Variants in FOCAD observed in about 807,000 individuals in gnomAD.
FOCAD encodes focadhesin, also known as KIAA1797.
FOCAD carries 198 observed loss-of-function variants against 225.6 expected under a neutral mutation model. That is an observed-to-expected ratio of 0.88 (90% CI 0.78 to 0.99). The LOEUF (loss-of-function observed/expected upper bound fraction) is 0.99. Among genes scored for constraint, FOCAD ranks in the 50% least tolerant of loss-of-function variants. The pLI is 0.00. For missense variants in FOCAD, 2,713 were observed against 2,123.6 expected (o/e 1.28, Z -5.46); for synonymous variants, 897 against 755.0 (o/e 1.19, Z -3.08).
At chr9:20,990,491 AC>A in intron 42 of FOCAD, 117 bp downstream of exon 42, 1 of 1,260,068 alleles carries the variant, frequency 7.9e-7, no homozygotes, top group Non-Finnish European at 1.1e-6. Flanking sequence ...AGACTTTCCT[AC>A]CCAGCCCCAT....
Position 20,717,785 on chromosome 9 carries a change from C to A in FOCAD, c.58-9C>A, listed in dbSNP as rs1036945208. On this transcript the variant is annotated splice_polypyrimidine_tract_variant and intron_variant, in intron 2 of 43. Transcript: ENST00000338382. The stretch of plus-strand genomic sequence containing the variant: ...GGGACTGTGTTCATTAATTTTATTT[C>A]TTTTTAAGGCTGTGGGTCATCTTAT... The A allele has an allele frequency of 6.2e-7, 1 of 1,606,764 alleles. No homozygotes were observed. The highest frequency in any genetic ancestry group is 1.1e-5 in the South Asian group (1 of 90,706).
intron 10 of FOCAD, among the ~76,000 whole-genome samples, chr9:20,783,818 G>A (rs1421817218): frequency 1.3e-5 from 2 of 152,058 alleles, no homozygotes; most frequent in East Asian, 3.9e-4. Flanking sequence ...AGAATGTGGG[G>A]GATAAAAGAG....
At chr9:20,809,135 C>G (rs116790917) in intron 11 of FOCAD, among the ~76,000 whole-genome samples, 2,105 of 152,218 alleles carry the variant, frequency 0.014, 48 homozygotes, top group African/African-American at 0.046. Context: ...TGCCGGTGTT[C>G]ACAGCATATC....
intron 35 of FOCAD, among the ~76,000 whole-genome samples, chr9:20,967,360 T>C (rs1839356861): frequency 6.6e-6 from 1 of 152,164 alleles, no homozygotes; most frequent in South Asian, 2.1e-4. Context: ...TTTTGTGTGT[T>C]GGTCTTATAT....
At chr9:20,715,296 C>G in intron 1 of FOCAD, 26 bp from the exon 2 acceptor site, 1 of 1,183,042 alleles carries the variant, frequency 8.5e-7, no homozygotes, top group Non-Finnish European at 1.2e-6. Context: ...GGAAGACTAA[C>G]AAATATTCTT....
rs139364202 is a variant in FOCAD at position 20,666,051 on chromosome 9, C to T, written c.-78+7225C>T. Among the ~76,000 whole-genome samples, 120 of 152,192 alleles carry T rather than the reference C, an allele frequency of 7.9e-4. 3 individuals carry two copies. In the South Asian group the frequency reaches 0.022, roughly 28 times the overall value. On this transcript the variant is annotated intron_variant, in intron 2 of 45. Coordinates refer to the FOCAD transcript ENST00000380249. ...CTGGGATAACAGGCACCCGCCACCA[C>T]GCCCAGCTAATTTTTGTATCTCTAT...
At chr9:20,769,915 CT>C (rs1818016688) in intron 7 of FOCAD, 116 bp from the exon 8 acceptor site, 2 of 866,116 alleles carry the variant, frequency 2.3e-6, no homozygotes, top group Non-Finnish European at 3.5e-6. Context: ...TTTTCATCTC[CT>C]TTAAGTCTTT....
chr9:20,769,901 CT>C, intron 7 of FOCAD, 130 bp from the exon 8 acceptor site: 2 of 774,424 alleles, frequency 2.6e-6, no homozygotes, highest in South Asian at 1.9e-5. Context: ...AGTTCTGTAA[CT>C]TTTTTTCATC....
At chr9:20,894,200 C>G (rs1019049761) in intron 21 of FOCAD, among the ~76,000 whole-genome samples, 1 of 152,060 alleles carries the variant, frequency 6.6e-6, no homozygotes, top group Non-Finnish European at 1.5e-5. Flanking sequence ...ATTTTCGTTG[C>G]TTGACAGCTG....
At position 20,988,540 on chromosome 9, in the gene FOCAD, T is replaced by C; in HGVS notation, c.5004+111T>C. On this transcript the variant is annotated intron_variant, in intron 41 of 43. Transcript: ENST00000338382. ...TAATTGGCAAAAACTGCAATTACTT[T>C]TGCACCAACCTAAAATATATGCTCC... The C allele has an allele frequency of 1.2e-5, 3 of 250,680 alleles. 1 individual carries two copies. The highest frequency in any genetic ancestry group is 1.7e-4 in the East Asian group (2 of 11,998). 15.5% of individuals were successfully genotyped at this position (250,680 alleles called of 1,614,324 possible). A position where few individuals can be genotyped will look rare whatever the true frequency, so the allele number is the denominator to read the frequency against.
chr9:20,675,059 G>A (rs1419129558), intron 2 of FOCAD, among the ~76,000 whole-genome samples: 3 of 152,184 alleles, frequency 2.0e-5, no homozygotes, highest in Non-Finnish European at 1.5e-5. Context: ...CTTCTTCCTT[G>A]TAAGACCCTC....
intron 2 of FOCAD, among the ~76,000 whole-genome samples, chr9:20,665,768 C>T (rs953305667): frequency 2.6e-5 from 4 of 152,082 alleles, no homozygotes; most frequent in South Asian, 2.1e-4. Flanking sequence ...CGGTGGCTCA[C>T]GCCTGTAAGC....
upstream of FOCAD, among the ~76,000 whole-genome samples, chr9:20,682,047 G>C (rs1043315495): frequency 3.9e-5 from 6 of 152,176 alleles, no homozygotes; most frequent in African/African-American, 1.4e-4. Context: ...GAGGACTCCT[G>C]TCGTGCCCTT....
chr9:20,711,710 A>G (rs570548612), intron 1 of FOCAD, among the ~76,000 whole-genome samples: 1 of 152,336 alleles, frequency 6.6e-6, no homozygotes, highest in Admixed American at 6.5e-5. Flanking sequence ...TTTGAAAGGA[A>G]ATATGTGTTT....
intron 20 of FOCAD, among the ~76,000 whole-genome samples, chr9:20,882,555 A>G (rs542231585): frequency 1.1e-3 from 164 of 152,352 alleles, no homozygotes; most frequent in African/African-American, 3.8e-3. Context: ...TGCAAGAGGT[A>G]AAAGCCCAAG....
rs1222151353 is a variant in FOCAD at position 20,885,101 on chromosome 9, T to G, written c.2504-8T>G. The G allele has an allele frequency of 2.1e-6, 3 of 1,408,650 alleles. No individual in the cohort carries two copies. Among genetic ancestry groups the G allele is most frequent in the Non-Finnish European group, 2.8e-6 (3 of 1,069,152 alleles). 87.3% of individuals were successfully genotyped at this position (1,408,650 alleles called of 1,614,324 possible). ...AATAAAATAAAGTCTATATAATTTTTTTTAAAGGTGGTATGTTATTTTGCT... is the reference window on the plus strand; with the variant it reads ...AATAAAATAAAGTCTATATAATTTTGTTTAAAGGTGGTATGTTATTTTGCT... On this transcript the variant is annotated splice_region_variant and splice_polypyrimidine_tract_variant and intron_variant, in intron 20 of 43. Coordinates refer to ENST00000338382, the MANE Select transcript of FOCAD (RefSeq NM_001375567.1).
chr9:20,992,097 G>A (rs988757795), intron 42 of FOCAD, among the ~76,000 whole-genome samples: 1 of 152,116 alleles, frequency 6.6e-6, no homozygotes, highest in Non-Finnish European at 1.5e-5. Flanking sequence ...AAACTAAAAT[G>A]CCTATTACCT....
intron 34 of FOCAD, 91 bp downstream of exon 34, chr9:20,951,189 C>A: frequency 2.1e-6 from 2 of 945,396 alleles, no homozygotes; most frequent in Non-Finnish European, 3.4e-6. Context: ...ATCTTCACAA[C>A]AACCCTAAGT....
Position 20,745,246 on chromosome 9 carries a change from A to G in FOCAD, c.392+4906A>G, listed in dbSNP as rs912400070. Among the ~76,000 whole-genome samples the G allele has an allele frequency of 3.3e-5, 5 of 151,874 alleles. No individual in the cohort carries two copies. The East Asian group carries it at 9.7e-4, about 29-fold the overall frequency. On this transcript the variant is annotated intron_variant, in intron 5 of 43. Coordinates refer to ENST00000338382, the MANE Select transcript of FOCAD (RefSeq NM_001375567.1). ...CATCTCAGCTCCCCCAGTAGCTGGG[A>G]CTACAGGTGCGACACTACGCCCTGC...
Sources: allele counts gnomAD v4.1 joint callset (sites outside exome capture counted in the v4.1 genomes callset), GRCh38; gene constraint gnomAD v4.1.1; transcripts MANE v1.5; gene names NCBI Gene and HGNC (gene_info 2026-07-23, HGNC 2026-07-21).